The following PWWP2A variants were observed in gnomAD, a reference collection of about 807,000 sequenced individuals.
PWWP2A encodes the protein PWWP domain-containing protein 2A.
PWWP2A carries 18 observed loss-of-function variants against 48.5 expected under a neutral mutation model. The observed-to-expected ratio is 0.37, with a 90% CI of 0.26 to 0.55. The LOEUF (loss-of-function observed/expected upper bound fraction) is 0.55. Among genes scored for constraint, PWWP2A ranks in the 20% least tolerant of loss-of-function variants. The pLI, the probability that PWWP2A is intolerant of heterozygous loss-of-function variation, is 0.81. For synonymous variants in PWWP2A, 396 were observed against 387.7 expected, an observed-to-expected ratio of 1.02 and a Z score of -0.25; for missense variants, 867 against 976.4, an observed-to-expected ratio of 0.89 and a Z score of 1.49.
the PWWP2A span, among the ~76,000 whole-genome samples, chr5:160,052,099 G>A: frequency 9.2e-5 from 14 of 152,318 alleles, no homozygotes; most frequent in Admixed American, 4.6e-4. Context: ...GGCCCCTGCC[G>A]GGTAGACTCA....
chr5:160,051,460 G>T, the PWWP2A span, among the ~76,000 whole-genome samples: 1 of 152,174 alleles, frequency 6.6e-6, no homozygotes, highest in Non-Finnish European at 1.5e-5. Context: ...GCTTAAATGG[G>T]ATTTAAAATC....
intron 1 of PWWP2A, among the ~76,000 whole-genome samples, chr5:160,115,433 C>T (rs1352101022): frequency 6.6e-6 from 1 of 151,812 alleles, no homozygotes; most frequent in Non-Finnish European, 1.5e-5. Flanking sequence ...GGCTCATGCC[C>T]ATAATCCCAG....
rs1459122657 is a variant in PWWP2A, at chr5:160,092,432, T to C, written c.2218A>G (p.Lys740Glu). 16 of 1,550,652 alleles carry C rather than the reference T, an allele frequency of 1.0e-5. No homozygotes were observed. The highest frequency in any genetic ancestry group is 1.4e-5 in the Non-Finnish European group (16 of 1,146,786). ...GCCCGCACTTCGGGGGTCAGCTGCT[T>C]GGCAGCCTTAGCTGCCTCTGTGATA... is the stretch of plus-strand genomic sequence containing the variant. The part of the protein sequence containing the change: ...KAITEAAKAA[K>E]QLTPEVRALL... Residue 740 changes from lysine to glutamate, a missense_variant, in exon 2 of 2, where the codon AAG becomes GAG. This residue lies in a region of PWWP2A where 97 missense variants were observed against 151.7 expected (regional missense o/e 0.64). Coordinates refer to ENST00000307063, the MANE Select transcript of PWWP2A (RefSeq NM_001130864.2).
intron 2 of PWWP2A, among the ~76,000 whole-genome samples, chr5:160,069,218 G>A (rs1364029182): frequency 1.3e-5 from 2 of 151,946 alleles, no homozygotes; most frequent in South Asian, 2.1e-4. Context: ...CCAGGAGGTC[G>A]AGGCTGCAGT....
At chr5:160,056,012 C>G in the PWWP2A span, among the ~76,000 whole-genome samples, 1 of 152,186 alleles carries the variant, frequency 6.6e-6, no homozygotes, top group East Asian at 1.9e-4. Flanking sequence ...TTCCCTTGCC[C>G]CAGGTGCTGG....
At chr5:160,099,637 A>T (rs1756046355) in intron 1 of PWWP2A, among the ~76,000 whole-genome samples, 1 of 151,902 alleles carries the variant, frequency 6.6e-6, no homozygotes, top group South Asian at 2.1e-4. Context: ...TTCTTTTAAA[A>T]TAAATATCTT....
At chr5:160,086,649 T>C (rs1031675386), downstream of PWWP2A, among the ~76,000 whole-genome samples, 1 of 152,098 alleles carries the variant, frequency 6.6e-6, no homozygotes, top group Non-Finnish European at 1.5e-5. Flanking sequence ...TCCCAGCACT[T>C]TGGGAGGCCG....
rs569163834 is a variant in PWWP2A, at chr5:160,091,690, C to T, written c.*692G>A. 229 of 985,136 alleles carry T rather than the reference C, an allele frequency of 2.3e-4. No homozygotes were observed. The highest frequency in any genetic ancestry group is 1.1e-3 in the South Asian group (24 of 21,276). The allele number at this position is 985,136 out of a possible 1,614,324, so 61.0% of individuals were successfully genotyped here. A position where few individuals can be genotyped will look rare whatever the true frequency, so the allele number is the denominator to read the frequency against. On this transcript the variant is annotated 3_prime_UTR_variant, in exon 2 of 2. Coordinates refer to ENST00000307063, the MANE Select transcript of PWWP2A (RefSeq NM_001130864.2). ...AAGTATTTATTAAATCCCCACTGGA[C>T]GAAAGACAGTGATGACTAACACCTA...
In PWWP2A at chr5:160,115,483, G is replaced by A. The variant is rs149427181; in HGVS notation, c.584+3322C>T. The stretch of plus-strand genomic sequence containing the variant: ...GAGGTAGGCAGATTACCTGAGGTCA[G>A]GAGTTAGAGACCAGCCTGACCAACA... On this transcript the variant is annotated intron_variant, in intron 1 of 1. Transcript: ENST00000307063. Among the ~76,000 whole-genome samples the A allele has an allele frequency of 1.2e-3, 187 of 152,146 alleles. 2 individuals are homozygous for A. The highest frequency in any genetic ancestry group is 4.4e-3 in the African/African-American group (183 of 41,524).
intron 5 of PWWP2A, among the ~76,000 whole-genome samples, chr5:160,062,457 G>A (rs1468148573): frequency 6.6e-6 from 1 of 152,170 alleles, no homozygotes; most frequent in African/African-American, 2.4e-5. Context: ...GCACCTCTGG[G>A]CACACCTCCG....
intron 1 of PWWP2A, among the ~76,000 whole-genome samples, chr5:160,110,847 C>T (rs1441828386): frequency 1.3e-5 from 2 of 151,094 alleles, no homozygotes; most frequent in African/African-American, 4.9e-5. Context: ...GCCTGGCCAA[C>T]ATGATGAAAT....
chr5:160,064,843 T>G (rs969852517), intron 4 of PWWP2A: 1 of 1,354,988 alleles, frequency 7.4e-7, no homozygotes, highest in African/African-American at 1.5e-5. Flanking sequence ...CTTTTATATT[T>G]TGTACTCAGT....
At chr5:160,085,322 G>C (rs1754543985) in intron 2 of PWWP2A, among the ~76,000 whole-genome samples, 1 of 152,096 alleles carries the variant, frequency 6.6e-6, no homozygotes, top group African/African-American at 2.4e-5. Context: ...ATAATTACAA[G>C]GTTTTTATTT....
In PWWP2A at chr5:160,114,768, T is replaced by TAA. The variant is rs56276633; in HGVS notation, c.584+4035_584+4036dup. ...ACAGAGCGAGACTCTGTCTCAAGGG[T>TAA]AAAAAAAAAAAAAAAAAAAAGAGTT... On this transcript the variant is annotated intron_variant, in intron 1 of 1. Coordinates refer to ENST00000307063, the MANE Select transcript of PWWP2A (RefSeq NM_001130864.2). Among the ~76,000 whole-genome samples the TAA allele has an allele frequency of 5.0e-3, 648 of 128,994 alleles. 2 individuals are homozygous for TAA. The highest frequency in any genetic ancestry group is 7.9e-3 in the Non-Finnish European group (495 of 62,620). 84.6% of individuals were successfully genotyped at this position (128,994 alleles called of 152,430 possible).
chr5:160,091,382 T>G lies in PWWP2A; in HGVS notation c.*1000A>C, dbSNP rs1369181912. 9.3e-5 allele frequency: 91 copies of G among 979,660 alleles called. No individual in the cohort carries two copies. Among genetic ancestry groups the G allele is most frequent in the East Asian group, 2.3e-4 (2 of 8,792 alleles). The allele number at this position is 979,660 out of a possible 1,614,324, so 60.7% of individuals were successfully genotyped here. ...TATTTACAGCTTTTTTTTGGTTTTT[T>G]TTTTTTTTTTTACATTTCAGAGCAT... On this transcript the variant is annotated 3_prime_UTR_variant, in exon 2 of 2. Coordinates refer to ENST00000307063, the MANE Select transcript of PWWP2A (RefSeq NM_001130864.2).
At chr5:160,109,774 A>AATATATATATATAT (rs1223846862) in intron 1 of PWWP2A, among the ~76,000 whole-genome samples, 16 of 25,214 alleles carry the variant, frequency 6.3e-4, no homozygotes, top group Non-Finnish European at 1.1e-3. Context: ...AAAAAAAAAA[A>AATATATATATATAT]ATATATATAT....
the PWWP2A span, among the ~76,000 whole-genome samples, chr5:160,045,454 C>CCACACACACACACACA: frequency 7.7e-5 from 3 of 38,906 alleles, no homozygotes; most frequent in Non-Finnish European, 1.4e-4. Flanking sequence ...CCCCCACCCT[C>CCACACACACACACACA]CACACACACA....
chr5:160,118,853 C>T lies in PWWP2A; in HGVS notation c.536G>A (p.Arg179His). The change falls in exon 1 of 2, where the codon CGC becomes CAC. Residue 179 changes from arginine to histidine, a missense_variant. Transcript: ENST00000307063. Reference protein sequence around the residue: ...IIEDALVVSFRFGEKLFSGVL... With the variant: ...IIEDALVVSFHFGEKLFSGVL... Reference sequence around the variant, plus strand: ...CCCGGAGAAGAGCTTCTCCCCGAAGCGGAACGACACGACAAGCGCGTCCTC... The same window carrying T: ...CCCGGAGAAGAGCTTCTCCCCGAAGTGGAACGACACGACAAGCGCGTCCTC... 6.3e-7 allele frequency: 1 copy of T among 1,588,142 alleles called. No homozygotes were observed. Among genetic ancestry groups the T allele is most frequent in the Non-Finnish European group, 8.6e-7 (1 of 1,168,950 alleles).
In PWWP2A at chr5:160,093,979, G is replaced by A. The variant is rs764385569; in HGVS notation, c.671C>T (p.Thr224Ile). ...KPEAMPLQSN[T>I]FQEGTEVKCE... ...CTTGACTTCTGTCCCTTCTTGGAATGTATTACTTTGGAGCGGCATGGCTTC... is the reference window on the plus strand; with the variant it reads ...CTTGACTTCTGTCCCTTCTTGGAATATATTACTTTGGAGCGGCATGGCTTC... Residue 224 changes from threonine to isoleucine, a missense_variant, in exon 2 of 2, where the codon ACA becomes ATA. Coordinates refer to ENST00000307063, the MANE Select transcript of PWWP2A (RefSeq NM_001130864.2). The surrounding 1 kb of genome is among the most constrained non-coding windows in gnomAD (Gnocchi z 5.8). 3 of 1,614,000 alleles carry A rather than the reference G, an allele frequency of 1.9e-6. No homozygotes were observed. Among genetic ancestry groups the A allele is most frequent in the South Asian group, 1.1e-5 (1 of 91,086 alleles).
Sources: gnomAD v4.1 joint callset for allele counts (sites outside exome capture counted in the v4.1 genomes callset) on GRCh38, gnomAD v4.1.1 for gene constraint, gnomAD v4.1.1 regional missense constraint, Gnocchi (gnomAD v3.1) non-coding constraint, MANE v1.5 for transcripts, NCBI Gene and HGNC (gene_info 2026-07-23, HGNC 2026-07-21) for gene names.